The following SPATS2 variants were observed in gnomAD, a reference collection of about 807,000 sequenced individuals.
SPATS2 encodes spermatogenesis-associated serine-rich protein 2.
A neutral mutation model predicts 63.7 loss-of-function variants in SPATS2; 38 were observed. The ratio of observed to expected loss-of-function variants is 0.60; its 90% CI spans 0.46 to 0.78. SPATS2 has a LOEUF of 0.78. Among genes scored for constraint, SPATS2 ranks in the 30% least tolerant of loss-of-function variants. SPATS2 has a pLI of 0.00. For synonymous variants in SPATS2, 207 were observed against 232.9 expected (o/e 0.89, Z 1.01); for missense variants, 588 against 666.2 (o/e 0.88, Z 1.29).
chr12:49,499,297 C>A (rs1946521646), intron 8 of SPATS2, among the ~76,000 whole-genome samples: 1 of 152,214 alleles, frequency 6.6e-6, no homozygotes, highest in Non-Finnish European at 1.5e-5. Flanking sequence ...CTTCCAACTA[C>A]TCTGCCTGCC....
At chr12:49,404,335 G>A (rs536012966) in intron 2 of SPATS2, among the ~76,000 whole-genome samples, 2 of 149,514 alleles carry the variant, frequency 1.3e-5, no homozygotes, top group East Asian at 3.9e-4. Flanking sequence ...TGCCTAGACT[G>A]GGGTGTGGTT....
intron 2 of SPATS2, among the ~76,000 whole-genome samples, chr12:49,394,730 A>AT (rs1565700581): frequency 6.6e-6 from 1 of 151,938 alleles, no homozygotes; most frequent in Non-Finnish European, 1.5e-5. Flanking sequence ...TATTTTTTAG[A>AT]TTTTATCAGA....
chr12:49,443,689 A>G (rs1288528724), intron 2 of SPATS2, among the ~76,000 whole-genome samples: 1 of 152,080 alleles, frequency 6.6e-6, no homozygotes, highest in Non-Finnish European at 1.5e-5. Context: ...GTCTGAGTTC[A>G]TTTTTATGTA....
intron 2 of SPATS2, among the ~76,000 whole-genome samples, chr12:49,445,651 G>A (rs1945497702): frequency 6.6e-6 from 1 of 151,992 alleles, no homozygotes; most frequent in African/African-American, 2.4e-5. Context: ...CCAAGTAGCT[G>A]GGACTGCAGG....
At chr12:49,500,835 G>A (rs1040318453) in intron 9 of SPATS2, among the ~76,000 whole-genome samples, 7 of 152,032 alleles carry the variant, frequency 4.6e-5, no homozygotes, top group Admixed American at 2.6e-4. Flanking sequence ...ATGACATGAT[G>A]TATGTTTTTG....
At position 49,460,948 on chromosome 12, in the gene SPATS2, C is replaced by A. The variant is rs1945810854; in HGVS notation, c.-65C>A. 1.9e-6 allele frequency: 3 copies of A among 1,598,494 alleles called. No individual in the cohort carries two copies. Among genetic ancestry groups the A allele is most frequent in the Non-Finnish European group, 2.6e-6 (3 of 1,168,072 alleles). Reference sequence around the variant, plus strand: ...CACTTTTAAATCAGAGATACCTACACTCAAAACCCAGACAAGGCAAAAGGA... The same window carrying A: ...CACTTTTAAATCAGAGATACCTACAATCAAAACCCAGACAAGGCAAAAGGA... On this transcript the variant is annotated 5_prime_UTR_variant, in exon 3 of 14. Transcript: ENST00000552918.
In SPATS2 at chr12:49,526,770, C is replaced by T. The variant is rs995753527; in HGVS notation, c.*515C>T. The T allele has an allele frequency of 6.5e-6, 1 of 154,336 alleles. No individual in the cohort carries two copies. The allele number at this position is 154,336 out of a possible 1,614,324, so 9.6% of individuals were successfully genotyped here. On this transcript the variant is annotated 3_prime_UTR_variant, in exon 14 of 14. Transcript: ENST00000552918. ...AACATTTGAGAACCTGCCTCTATCCCAGAATGTGCTGGAGATTTGACACTC... is the reference window on the plus strand; with the variant it reads ...AACATTTGAGAACCTGCCTCTATCCTAGAATGTGCTGGAGATTTGACACTC...
intron 3 of SPATS2, among the ~76,000 whole-genome samples, chr12:49,476,826 C>T (rs1396629411): frequency 6.6e-6 from 1 of 152,242 alleles, no homozygotes; most frequent in African/African-American, 2.4e-5. Flanking sequence ...TGGAACTTGG[C>T]TGGGCGCGGT....
intron 3 of SPATS2, among the ~76,000 whole-genome samples, chr12:49,465,866 C>T (rs999817482): frequency 1.3e-5 from 2 of 152,076 alleles, no homozygotes. Context: ...ATCACTTGAA[C>T]CCGGGAGGCG....
intron 2 of SPATS2, chr12:49,454,327 G>T (rs1945680514): frequency 6.6e-6 from 1 of 152,278 alleles, no homozygotes; most frequent in African/African-American, 2.4e-5. Context: ...GACCACACTT[G>T]CATGTCAGCA....
At chr12:49,413,135 G>A (rs1379911124) in intron 2 of SPATS2, among the ~76,000 whole-genome samples, 1 of 151,996 alleles carries the variant, frequency 6.6e-6, no homozygotes, top group Non-Finnish European at 1.5e-5. Flanking sequence ...TCATGGTTTT[G>A]GGGGTTGACT....
At chr12:49,450,630 G>A (rs927488692) in intron 2 of SPATS2, among the ~76,000 whole-genome samples, 11 of 152,108 alleles carry the variant, frequency 7.2e-5, no homozygotes, top group African/African-American at 2.7e-4. Context: ...TGCAACCTCT[G>A]CCTCCCAGGT....
At chr12:49,513,074 A>G (rs932745735) in intron 9 of SPATS2, among the ~76,000 whole-genome samples, 4 of 152,240 alleles carry the variant, frequency 2.6e-5, no homozygotes, top group African/African-American at 9.6e-5. Flanking sequence ...GCACTTCCCT[A>G]TAAAAGATTT....
chr12:49,375,123 T>C (rs1157289999), intron 2 of SPATS2, among the ~76,000 whole-genome samples: 1 of 149,512 alleles, frequency 6.7e-6, no homozygotes, highest in Non-Finnish European at 1.5e-5. Context: ...TAACAAGATG[T>C]ATGATTGCAA....
At chr12:49,466,996 A>G (rs1164136491) in intron 3 of SPATS2, among the ~76,000 whole-genome samples, 1 of 150,828 alleles carries the variant, frequency 6.6e-6, no homozygotes, top group African/African-American at 2.4e-5. Context: ...ATTTAAATGT[A>G]CAACTCTTGC....
At chr12:49,508,237 TCG>T (rs1946685734) in intron 9 of SPATS2, among the ~76,000 whole-genome samples, 1 of 152,082 alleles carries the variant, frequency 6.6e-6, no homozygotes, top group African/African-American at 2.4e-5. Context: ...AGACTGAGTC[TCG>T]TTCTGTCTCC....
intron 2 of SPATS2, among the ~76,000 whole-genome samples, chr12:49,426,555 C>A (rs910150591): frequency 1.3e-5 from 2 of 151,868 alleles, no homozygotes; most frequent in African/African-American, 4.8e-5. Flanking sequence ...GTATCATATT[C>A]TTTTTTTTGA....
chr12:49,466,415 G>A (rs777447684), intron 3 of SPATS2, among the ~76,000 whole-genome samples: 6 of 152,146 alleles, frequency 3.9e-5, no homozygotes, highest in African/African-American at 4.8e-5. Flanking sequence ...CCTGCCTCAT[G>A]CCTCAGCCTC....
intron 3 of SPATS2, chr12:49,463,099 A>G (rs1945850012): frequency 6.6e-6 from 1 of 152,172 alleles, no homozygotes; most frequent in African/African-American, 2.4e-5. Context: ...ACTATAAAAG[A>G]ATTTAAATTT....
Sources: gnomAD v4.1 joint callset for allele counts (sites outside exome capture counted in the v4.1 genomes callset) on GRCh38, gnomAD v4.1.1 for gene constraint, MANE v1.5 for transcripts, NCBI Gene and HGNC (gene_info 2026-07-23, HGNC 2026-07-21) for gene names.